DPP6: variants seen among roughly 807,000 people sequenced by gnomAD.
DPP6 encodes the protein dipeptidyl peptidase like 6, also known as A-type potassium channel modulatory protein DPP6.
DPP6 carries 69 observed loss-of-function variants against 122.6 expected under a neutral mutation model. The observed-to-expected ratio is 0.56, with a 90% CI of 0.46 to 0.69. DPP6 has a LOEUF of 0.69. Ranked by LOEUF, DPP6 falls within the 30% of genes least tolerant of loss-of-function variation. The probability of loss-of-function intolerance (pLI) is 0.00; values close to 1 mark genes in which losing one functional copy is unlikely to be tolerated. For synonymous variants in DPP6, 418 were observed against 433.1 expected, an observed-to-expected ratio of 0.97 and a Z score of 0.43; for missense variants, 928 against 1,116.9, an observed-to-expected ratio of 0.83 and a Z score of 2.41.
rs563531518 is a variant in DPP6 at position 154,375,321 on chromosome 7, C to T, written c.244-70893C>T. ...AAGGGCAGGAGGTCGACCACAATGGCGAGGGGATGTTGGCCCGGGTGGAGG... is the reference window on the plus strand; with the variant it reads ...AAGGGCAGGAGGTCGACCACAATGGTGAGGGGATGTTGGCCCGGGTGGAGG... On this transcript the variant is annotated intron_variant, in intron 1 of 25. Transcript: ENST00000377770. Among the ~76,000 whole-genome samples, 16 of 151,932 alleles carry T rather than the reference C, an allele frequency of 1.1e-4. No homozygotes were observed. In the East Asian group the frequency reaches 2.1e-3, roughly 20 times the overall value.
At chr7:153,880,908 T>C in the DPP6 span, among the ~76,000 whole-genome samples, 1 of 152,252 alleles carries the variant, frequency 6.6e-6, no homozygotes, top group African/African-American at 2.4e-5. Flanking sequence ...TAGTCTACTC[T>C]GGCAAAGTGA....
chr7:153,829,650 T>C, the DPP6 span, among the ~76,000 whole-genome samples: 2 of 152,182 alleles, frequency 1.3e-5, no homozygotes, highest in African/African-American at 4.8e-5. Context: ...CTTCTGGGCA[T>C]TGAGAATACA....
At position 154,158,329 on chromosome 7, in the gene DPP6, A is replaced by T. The variant is rs983150547; in HGVS notation, c.243+105266A>T. Among the ~76,000 whole-genome samples, 11 of 151,784 alleles carry T rather than the reference A, an allele frequency of 7.2e-5. No individual in the cohort carries two copies. The South Asian group carries it at 1.7e-3, about 23-fold the overall frequency. ...AATTTGGATGGATATTCTAATTTTTAAAATTTCTTTTTTCCATTTATTTTA... is the reference window on the plus strand; with the variant it reads ...AATTTGGATGGATATTCTAATTTTTTAAATTTCTTTTTTCCATTTATTTTA... On this transcript the variant is annotated intron_variant, in intron 1 of 25. Transcript: ENST00000377770.
chr7:154,491,839 G>A (rs58940257), intron 3 of DPP6, among the ~76,000 whole-genome samples: 8,527 of 152,170 alleles, frequency 0.056, 786 homozygotes, highest in African/African-American at 0.19. Flanking sequence ...TCTGCCTGCC[G>A]TGACCTTTAG....
chr7:154,591,427 G>A (rs1312135076), intron 5 of DPP6, among the ~76,000 whole-genome samples: 3 of 152,178 alleles, frequency 2.0e-5, no homozygotes, highest in Non-Finnish European at 4.4e-5. Context: ...GCAGTAACAA[G>A]GACGATGATG....
Position 154,519,795 on chromosome 7 carries a change from TC to T in DPP6, c.458-20736del, listed in dbSNP as rs574921560. Among the ~76,000 whole-genome samples the T allele has an allele frequency of 3.2e-4, 48 of 152,360 alleles. No homozygotes were observed. In the South Asian group the frequency reaches 9.7e-3, roughly 31 times the overall value. On this transcript the variant is annotated intron_variant, in intron 3 of 25. Coordinates refer to ENST00000377770, the MANE Select transcript of DPP6 (RefSeq NM_130797.4). The stretch of plus-strand genomic sequence containing the variant: ...ACCTAAAATTCTTCTGGAATATGAT[TC>T]AGTTTTTTCCTTTGTAAATAAAATC...
intron 3 of DPP6, among the ~76,000 whole-genome samples, chr7:154,478,622 A>G (rs962130504): frequency 2.0e-5 from 3 of 152,180 alleles, no homozygotes; most frequent in African/African-American, 7.2e-5. Context: ...GAAGAAACTG[A>G]GTCTCAGGGT....
Position 153,955,521 on chromosome 7 carries a change from C to T in DPP6, c.51+67787C>T, listed in dbSNP as rs1032627479. On this transcript the variant is annotated intron_variant, in intron 1 of 25. Coordinates refer to the DPP6 transcript ENST00000404039. Reference sequence around the variant, plus strand: ...TGGTGCAATCTCGGCTCACTGCAACCTCTGCCTCCCAGGTTCAAGCAATTC... The same window carrying T: ...TGGTGCAATCTCGGCTCACTGCAACTTCTGCCTCCCAGGTTCAAGCAATTC... 4.6e-5 allele frequency among the ~76,000 whole-genome samples: 7 copies of T among 152,288 alleles called. No homozygotes were observed. In the East Asian group the frequency reaches 5.8e-4, roughly 13 times the overall value.
At chr7:153,849,915 CTG>C in the DPP6 span, among the ~76,000 whole-genome samples, 1 of 152,014 alleles carries the variant, frequency 6.6e-6, no homozygotes, top group Non-Finnish European at 1.5e-5. Context: ...AATTTGTATT[CTG>C]TGCACAAGAA....
intron 1 of DPP6, among the ~76,000 whole-genome samples, chr7:154,423,534 A>G (rs1817656551): frequency 1.3e-5 from 2 of 152,290 alleles, no homozygotes; most frequent in East Asian, 1.9e-4. Flanking sequence ...GTGTTTGTTC[A>G]AGTCTTTATA....
chr7:154,024,210 C>T lies in DPP6; in HGVS notation c.51+136476C>T, dbSNP rs114069907. 1.7e-4 allele frequency among the ~76,000 whole-genome samples: 26 copies of T among 152,302 alleles called. No homozygotes were observed. The East Asian group carries it at 1.7e-3, about 10-fold the overall frequency. ...TAAACCTGGCAAATAGTTCAGCTAT[C>T]GATCCACAAATAGTATCAATCCACA... On this transcript the variant is annotated intron_variant, in intron 1 of 25. Transcript: ENST00000404039.
At chr7:154,449,703 G>A (rs894219525) in intron 2 of DPP6, among the ~76,000 whole-genome samples, 1 of 152,080 alleles carries the variant, frequency 6.6e-6, no homozygotes, top group Admixed American at 6.6e-5. Context: ...ATTTCCCAGA[G>A]AATGGATAAA....
chr7:154,573,892 G>A lies in DPP6; in HGVS notation c.627+6976G>A, dbSNP rs908566763. The stretch of plus-strand genomic sequence containing the variant: ...CTTGTAGACTGCTGCCTCCTGTTGT[G>A]AATCTGACCAGCAGCCTCAGAGGAA... On this transcript the variant is annotated intron_variant, in intron 5 of 25. Coordinates refer to ENST00000377770, the MANE Select transcript of DPP6 (RefSeq NM_130797.4). Among the ~76,000 whole-genome samples, 1,026 of 152,324 alleles carry A rather than the reference G, an allele frequency of 6.7e-3. 13 individuals are homozygous for A. The highest frequency in any genetic ancestry group is 0.022 in the African/African-American group (898 of 41,576).
chr7:153,808,066 C>G, the DPP6 span, among the ~76,000 whole-genome samples: 8 of 151,798 alleles, frequency 5.3e-5, no homozygotes, highest in Non-Finnish European at 1.5e-5. Context: ...GCTTTGTTAA[C>G]GTATGACAAA....
the DPP6 span, among the ~76,000 whole-genome samples, chr7:153,759,250 A>G: frequency 6.6e-6 from 1 of 151,732 alleles, no homozygotes; most frequent in African/African-American, 2.4e-5. Flanking sequence ...AGAGTTTTTC[A>G]TAAATGTCTT....
At chr7:153,766,749 T>C in the DPP6 span, among the ~76,000 whole-genome samples, 1 of 152,116 alleles carries the variant, frequency 6.6e-6, no homozygotes, top group Non-Finnish European at 1.5e-5. Flanking sequence ...TAGAATCAAA[T>C]AGTAACAGTA....
At chr7:154,104,421 C>G (rs538138554) in intron 1 of DPP6, among the ~76,000 whole-genome samples, 5 of 152,356 alleles carry the variant, frequency 3.3e-5, no homozygotes, top group African/African-American at 1.2e-4. Context: ...TCCTTCAACA[C>G]TCTGTCAAAG....
chr7:154,072,718 G>A (rs1419706987), intron 1 of DPP6, among the ~76,000 whole-genome samples: 1 of 152,262 alleles, frequency 6.6e-6, no homozygotes, highest in African/African-American at 2.4e-5. Context: ...AATAAAAATA[G>A]CCTGGAACCT....
chr7:153,884,221 T>C (rs1256854359), upstream of DPP6, among the ~76,000 whole-genome samples: 1 of 152,166 alleles, frequency 6.6e-6, no homozygotes, highest in African/African-American at 2.4e-5. Flanking sequence ...CCAAGTGTTC[T>C]CATTGTTCAG....
Sources: gnomAD v4.1 joint callset for allele counts (sites outside exome capture counted in the v4.1 genomes callset) on GRCh38, gnomAD v4.1.1 for gene constraint, MANE v1.5 for transcripts, NCBI Gene and HGNC (gene_info 2026-07-23, HGNC 2026-07-21) for gene names.